The following NCOA5 variants were observed in gnomAD, a reference collection of about 807,000 sequenced individuals.
The protein encoded by NCOA5 is nuclear receptor coactivator 5.
Under a neutral mutation model 59.0 loss-of-function variants are expected in NCOA5, and 12 were observed. The ratio of observed to expected loss-of-function variants is 0.20; its 90% CI spans 0.13 to 0.33. The LOEUF is 0.33. Ranked by LOEUF, NCOA5 falls within the 10% of genes least tolerant of loss-of-function variation. The pLI, the probability that NCOA5 is intolerant of heterozygous loss-of-function variation, is 1.00. For missense variants in NCOA5, 655 were observed against 766.6 expected, an observed-to-expected ratio of 0.85 and a Z score of 1.72; for synonymous variants, 270 against 275.5, an observed-to-expected ratio of 0.98 and a Z score of 0.20.
At chr20:46,077,687 C>T (rs1600629256) in intron 2 of NCOA5, among the ~76,000 whole-genome samples, 1 of 152,258 alleles carries the variant, frequency 6.6e-6, no homozygotes, top group East Asian at 1.9e-4. Flanking sequence ...GAAACACACA[C>T]GTTAGCGCTC....
At position 46,062,613 on chromosome 20, in the gene NCOA5, C is replaced by G; in HGVS notation, c.1427G>C (p.Arg476Thr). 6.2e-7 allele frequency: 1 copy of G among 1,614,166 alleles called. No homozygotes were observed. The highest frequency in any genetic ancestry group is 8.5e-7 in the Non-Finnish European group (1 of 1,180,028). The change falls in exon 8 of 8, where the codon AGA (arginine) becomes ACA (threonine). Residue 476 changes from arginine (R) to threonine (T), a missense_variant. This residue lies in a region of NCOA5 where 325 missense variants were observed against 353.2 expected (regional missense o/e 0.92). Transcript: ENST00000290231. ...STAANSQPQQRSQASGNQPPS... is the reference protein window; with the variant it reads ...STAANSQPQQTSQASGNQPPS... ...AGGCTGATTGCCAGAAGCCTGTGAT[C>G]TTTGTTGAGGCTGGCTGTTTGCTGC...
In NCOA5 at chr20:46,070,404, G is replaced by A; in HGVS notation, c.171C>T (p.Pro57=). Residue 57 remains proline (P), a synonymous_variant, in exon 3 of 8, where the codon CCC becomes CCT. Coordinates refer to ENST00000290231, the MANE Select transcript of NCOA5 (RefSeq NM_020967.3). ...DARDSRDIRD[P]RDLRDHRHSR... is the part of the protein sequence containing the mutation. ...TATGTCTGTGGTCCCGCAAGTCTCGGGGGTCTCGAATGTCTCTGCTGTCCC... is the reference window on the plus strand; with the variant it reads ...TATGTCTGTGGTCCCGCAAGTCTCGAGGGTCTCGAATGTCTCTGCTGTCCC... 3 of 1,613,960 alleles carry A rather than the reference G, an allele frequency of 1.9e-6. No individual in the cohort carries two copies. The highest frequency in any genetic ancestry group is 2.5e-6 in the Non-Finnish European group (3 of 1,179,982).
intron 2 of NCOA5, among the ~76,000 whole-genome samples, chr20:46,074,286 A>G (rs2084913498): frequency 1.3e-5 from 2 of 152,204 alleles, no homozygotes; most frequent in South Asian, 2.1e-4. Flanking sequence ...TCAAAGTGCA[A>G]GAAGACAAAG....
chr20:46,088,275 A>G (rs1183153685), intron 1 of NCOA5, among the ~76,000 whole-genome samples: 2 of 152,256 alleles, frequency 1.3e-5, no homozygotes, highest in Admixed American at 6.5e-5. Context: ...ACATTCTACA[A>G]GGAAAATCAG....
At chr20:46,086,250 T>A (rs1376223980) in intron 1 of NCOA5, among the ~76,000 whole-genome samples, 1 of 152,258 alleles carries the variant, frequency 6.6e-6, no homozygotes, top group African/African-American at 2.4e-5. Context: ...GCTGCCCTGA[T>A]CCTTGCCTAA....
Position 46,066,544 on chromosome 20 carries a change from G to C in NCOA5, c.629+511C>G, listed in dbSNP as rs537420801. Among the ~76,000 whole-genome samples the C allele has an allele frequency of 1.0e-3, 154 of 152,258 alleles. 1 individual carries two copies. Among genetic ancestry groups the C allele is most frequent in the African/African-American group, 3.6e-3 (149 of 41,532 alleles). ...GGGATGGGAACATGACTTAGCCCTG[G>C]CCAATCAGAACACCCAGCACCCCTG... On this transcript the variant is annotated intron_variant, in intron 5 of 7. Coordinates refer to ENST00000290231, the MANE Select transcript of NCOA5 (RefSeq NM_020967.3).
At chr20:46,066,929 C>G (rs2145526232) in intron 5 of NCOA5, 126 bp downstream of exon 5, 2 of 1,098,768 alleles carry the variant, frequency 1.8e-6, no homozygotes, top group Admixed American at 5.4e-5. Flanking sequence ...CTGAAAGAAC[C>G]CTGGCTAACA....
At chr20:46,070,872 C>CAA (rs1363787761) in intron 2 of NCOA5, among the ~76,000 whole-genome samples, 1 of 151,944 alleles carries the variant, frequency 6.6e-6, no homozygotes, top group African/African-American at 2.4e-5. Context: ...GTTGGAGTGA[C>CAA]AGAGTAAGGA....
In NCOA5 at chr20:46,070,384, C is replaced by G. The variant is rs753889022; in HGVS notation, c.191G>C (p.Arg64Thr). Residue 64 changes from arginine (R) to threonine (T), a missense_variant, in exon 3 of 8, where the codon AGA (arginine) becomes ACA (threonine). Arg to Thr is a moderately conservative substitution (Grantham distance 71). This residue lies in a region of NCOA5 where 250 missense variants were observed against 260.1 expected (regional missense o/e 0.96). Transcript: ENST00000290231. The part of the protein sequence containing the change: ...IRDPRDLRDH[R>T]HSRDLRDHRD... ...GTGATCCCGCAAATCTCTACTATGT[C>G]TGTGGTCCCGCAAGTCTCGGGGGTC... 1 of 1,613,896 alleles carries G rather than the reference C, an allele frequency of 6.2e-7. No individual in the cohort carries two copies. The highest frequency in any genetic ancestry group is 8.5e-7 in the Non-Finnish European group (1 of 1,179,992).
intron 2 of NCOA5, among the ~76,000 whole-genome samples, chr20:46,073,459 A>G (rs2084905795): frequency 6.6e-6 from 1 of 152,230 alleles, no homozygotes; most frequent in Non-Finnish European, 1.5e-5. Flanking sequence ...TCCTTATTAC[A>G]TCATATAATC....
intron 3 of NCOA5, among the ~76,000 whole-genome samples, chr20:46,069,150 C>T (rs1381619456): frequency 6.6e-6 from 1 of 152,128 alleles, no homozygotes. Flanking sequence ...GCATTATATT[C>T]ACAATGCTGT....
chr20:46,089,527 A>G (rs1285003179), intron 1 of NCOA5, among the ~76,000 whole-genome samples: 1 of 152,094 alleles, frequency 6.6e-6, no homozygotes, highest in Admixed American at 6.5e-5. Flanking sequence ...CTAGTGACCG[A>G]CCGTTCGTGC....
intron 1 of NCOA5, among the ~76,000 whole-genome samples, chr20:46,080,430 C>T (rs2084980111): frequency 6.6e-6 from 1 of 152,102 alleles, no homozygotes; most frequent in Non-Finnish European, 1.5e-5. Context: ...GTTTGTTCCC[C>T]TTTTTCCGTA....
intron 1 of NCOA5, among the ~76,000 whole-genome samples, chr20:46,087,560 C>A (rs2085057265): frequency 6.6e-6 from 1 of 152,166 alleles, no homozygotes; most frequent in African/African-American, 2.4e-5. Flanking sequence ...GAGTTCGAGA[C>A]TAGCCTGACC....
Position 46,067,633 on chromosome 20 carries a change from GA to G in NCOA5, c.503-453del, listed in dbSNP as rs1379256808. Among the ~76,000 whole-genome samples, 9 of 147,036 alleles carry G rather than the reference GA, an allele frequency of 6.1e-5. No homozygotes were observed. The South Asian group carries it at 9.1e-4, about 15-fold the overall frequency. On this transcript the variant is annotated intron_variant, in intron 4 of 7. Coordinates refer to ENST00000290231, the MANE Select transcript of NCOA5 (RefSeq NM_020967.3). ...AAATTTAAAAGTTCTTTTTTTAAAA[GA>G]AAAAAATCAAGTATAAAGTTTAAAA...
intron 4 of NCOA5, among the ~76,000 whole-genome samples, chr20:46,068,171 T>C (rs1179503416): frequency 6.6e-6 from 1 of 152,186 alleles, no homozygotes; most frequent in Non-Finnish European, 1.5e-5. Context: ...TGGGCTCAAG[T>C]GATCTGCCGG....
intron 5 of NCOA5, 116 bp downstream of exon 5, chr20:46,066,939 A>G (rs1340476048): frequency 8.6e-7 from 1 of 1,162,014 alleles, no homozygotes; most frequent in East Asian, 2.5e-5. Flanking sequence ...CCTGGCTAAC[A>G]GCGCACAGCA....
chr20:46,069,193 A>G (rs2084855653), intron 3 of NCOA5, among the ~76,000 whole-genome samples: 1 of 152,008 alleles, frequency 6.6e-6, no homozygotes, highest in Non-Finnish European at 1.5e-5. Flanking sequence ...ATTTTTCATC[A>G]CCTCAAACAT....
At chr20:46,066,413 G>A (rs2084823801) in intron 5 of NCOA5, among the ~76,000 whole-genome samples, 1 of 152,172 alleles carries the variant, frequency 6.6e-6, no homozygotes. Context: ...GGGCATTTGG[G>A]TTGTCCCATG....
Sources: gnomAD v4.1 joint callset for allele counts (sites outside exome capture counted in the v4.1 genomes callset) on GRCh38, gnomAD v4.1.1 for gene constraint, gnomAD v4.1.1 regional missense constraint, MANE v1.5 for transcripts, NCBI Gene and HGNC (gene_info 2026-07-23, HGNC 2026-07-21) for gene names.